TRIM33: variants seen among roughly 807,000 people sequenced by gnomAD.
The protein encoded by TRIM33 is tripartite motif containing 33.
In TRIM33, 20 loss-of-function variants were observed where a neutral mutation model predicts 125.4. The observed-to-expected ratio is 0.16, with a 90% CI of 0.11 to 0.23. The LOEUF is 0.23. Among genes scored for constraint, TRIM33 ranks in the 10% least tolerant of loss-of-function variants. The pLI, the probability that TRIM33 is intolerant of heterozygous loss-of-function variation, is 1.00. For synonymous variants in TRIM33, 564 were observed against 513.9 expected (o/e 1.10, Z -1.32); for missense variants, 920 against 1,411.4 (o/e 0.65, Z 5.58).
chr1:114,482,322 C>T lies in TRIM33; in HGVS notation c.527-17934G>A, dbSNP rs148254500. Among the ~76,000 whole-genome samples the T allele has an allele frequency of 1.3e-4, 20 of 152,128 alleles. No homozygotes were observed. The East Asian group carries it at 3.5e-3, about 26-fold the overall frequency. ...TCATCTCAACATGCCCCTCATTAAGCTCGAAAAAGAAGACCAAATGAAAAC... is the reference window on the plus strand; with the variant it reads ...TCATCTCAACATGCCCCTCATTAAGTTCGAAAAAGAAGACCAAATGAAAAC... On this transcript the variant is annotated intron_variant, in intron 1 of 19. Coordinates refer to ENST00000358465, the MANE Select transcript of TRIM33 (RefSeq NM_015906.4).
chr1:114,463,249 A>G lies in TRIM33; in HGVS notation c.791-13T>C, dbSNP rs2101381756. 1 of 1,579,006 alleles carries G rather than the reference A, an allele frequency of 6.3e-7. No individual in the cohort carries two copies. The highest frequency in any genetic ancestry group is 8.6e-7 in the Non-Finnish European group (1 of 1,168,510). ...GCTCCAACAGACTCTGTAGCAAAAT[A>G]AAACAAATATTTTTTAACCAAACAT... On this transcript the variant is annotated splice_polypyrimidine_tract_variant and intron_variant, in intron 3 of 19. Coordinates refer to ENST00000358465, the MANE Select transcript of TRIM33 (RefSeq NM_015906.4).
chr1:114,476,489 A>T (rs916822901), intron 1 of TRIM33, among the ~76,000 whole-genome samples: 5 of 151,994 alleles, frequency 3.3e-5, no homozygotes, highest in African/African-American at 9.7e-5. Flanking sequence ...TCCTTGACAA[A>T]TTTTTTAAAA....
At chr1:114,479,222 T>C (rs1242454153) in intron 1 of TRIM33, among the ~76,000 whole-genome samples, 1 of 151,940 alleles carries the variant, frequency 6.6e-6, no homozygotes, top group Non-Finnish European at 1.5e-5. Flanking sequence ...TCACAGGACA[T>C]AAGAGCAAAG....
intron 11 of TRIM33, among the ~76,000 whole-genome samples, chr1:114,415,877 AGGAG>A (rs1419407192): frequency 1.3e-5 from 2 of 150,368 alleles, no homozygotes; most frequent in Admixed American, 6.7e-5. Context: ...GCTTGAGCCC[AGGAG>A]GCAGAGGCTG....
intron 1 of TRIM33, among the ~76,000 whole-genome samples, chr1:114,492,436 TTAAC>T (rs1168799133): frequency 6.6e-6 from 1 of 152,186 alleles, no homozygotes; most frequent in Admixed American, 6.5e-5. Context: ...TTATATGGCA[TTAAC>T]TACATTCAAC....
chr1:114,479,447 T>C (rs2101474329), intron 1 of TRIM33, among the ~76,000 whole-genome samples: 1 of 152,268 alleles, frequency 6.6e-6, no homozygotes, highest in African/African-American at 2.4e-5. Context: ...ATTAAAAATA[T>C]GGAGGCCAGG....
intron 14 of TRIM33, among the ~76,000 whole-genome samples, chr1:114,406,356 C>A (rs948105014): frequency 6.6e-6 from 1 of 151,912 alleles, no homozygotes; most frequent in African/African-American, 2.4e-5. Flanking sequence ...CATGTGCCAA[C>A]CATATAAAAA....
At chr1:114,480,493 A>G (rs12723916) in intron 1 of TRIM33, among the ~76,000 whole-genome samples, 17,983 of 133,724 alleles carry the variant, frequency 0.13, 1,416 homozygotes, top group Non-Finnish European at 0.18. Context: ...AAAAAAAAAA[A>G]AAGAAGTGAA....
At chr1:114,459,341 G>A (rs1375089451) in intron 4 of TRIM33, among the ~76,000 whole-genome samples, 2 of 152,208 alleles carry the variant, frequency 1.3e-5, no homozygotes, top group South Asian at 2.1e-4. Flanking sequence ...GAAAGAGCAA[G>A]GGTTGGAGAG....
intron 4 of TRIM33, among the ~76,000 whole-genome samples, chr1:114,440,005 C>T (rs1047809373): frequency 1.3e-5 from 2 of 152,104 alleles, no homozygotes; most frequent in African/African-American, 2.4e-5. Context: ...ATTCACAGTC[C>T]GTCACCACAA....
At chr1:114,414,614 C>A (rs1489952537) in intron 11 of TRIM33, among the ~76,000 whole-genome samples, 1 of 152,136 alleles carries the variant, frequency 6.6e-6, no homozygotes, top group African/African-American at 2.4e-5. Context: ...TATATACTCA[C>A]CTTAGGTTGA....
At chr1:114,420,494 A>G in intron 11 of TRIM33, 3 of 1,021,892 alleles carry the variant, frequency 2.9e-6, no homozygotes, top group Non-Finnish European at 2.8e-6. Context: ...TTTTAGCAAA[A>G]GTGATATTAA....
chr1:114,429,512 A>T (rs1647806708), intron 6 of TRIM33, among the ~76,000 whole-genome samples: 1 of 152,046 alleles, frequency 6.6e-6, no homozygotes, highest in Non-Finnish European at 1.5e-5. Flanking sequence ...TAATCTCACA[A>T]ATTGTGTTTC....
intron 10 of TRIM33, 104 bp from the exon 11 acceptor site, chr1:114,421,740 G>A: frequency 9.1e-7 from 1 of 1,096,706 alleles, no homozygotes; most frequent in East Asian, 2.5e-5. Flanking sequence ...AAGAAACAAA[G>A]AAGTGGGCCC....
At chr1:114,475,999 CAAAAT>C (rs1488033570) in intron 1 of TRIM33, among the ~76,000 whole-genome samples, 1 of 150,834 alleles carries the variant, frequency 6.6e-6, no homozygotes, top group Non-Finnish European at 1.5e-5. Flanking sequence ...GGCTCTGTCT[CAAAAT>C]AATAATACGG....
chr1:114,474,583 A>G (rs1219701457), intron 1 of TRIM33, among the ~76,000 whole-genome samples: 3 of 146,936 alleles, frequency 2.0e-5, no homozygotes, highest in Non-Finnish European at 4.5e-5. Flanking sequence ...CTATTTAAAA[A>G]AAAAAAAAAA....
chr1:114,449,035 A>G (rs1017766502), intron 4 of TRIM33, among the ~76,000 whole-genome samples: 9 of 152,096 alleles, frequency 5.9e-5, no homozygotes, highest in African/African-American at 2.2e-4. Context: ...TGAGTTAGGG[A>G]AAAAAACCTT....
intron 4 of TRIM33, among the ~76,000 whole-genome samples, chr1:114,435,148 T>C (rs1648198453): frequency 6.6e-6 from 1 of 152,168 alleles, no homozygotes; most frequent in Non-Finnish European, 1.5e-5. Context: ...ATTTACATTC[T>C]AGGAAAATCA....
intron 17 of TRIM33, among the ~76,000 whole-genome samples, chr1:114,400,815 A>G (rs910593023): frequency 6.6e-6 from 1 of 152,268 alleles, no homozygotes; most frequent in Non-Finnish European, 1.5e-5. Flanking sequence ...AACACCTCTA[A>G]TCTTCCTTTT....
Sources: gnomAD v4.1 joint callset for allele counts (sites outside exome capture counted in the v4.1 genomes callset) on GRCh38, gnomAD v4.1.1 for gene constraint, MANE v1.5 for transcripts, NCBI Gene and HGNC (gene_info 2026-07-23, HGNC 2026-07-21) for gene names.